The following DAPK1 variants were observed in gnomAD, a reference collection of about 807,000 sequenced individuals.
DAPK1 encodes the protein death-associated protein kinase 1.
A neutral mutation model predicts 144.9 loss-of-function variants in DAPK1; 56 were observed. The ratio of observed to expected loss-of-function variants is 0.39; its 90% CI spans 0.31 to 0.48. The LOEUF (loss-of-function observed/expected upper bound fraction) is 0.48. Among genes scored for constraint, DAPK1 ranks in the 20% least tolerant of loss-of-function variants. The pLI, the probability that DAPK1 is intolerant of heterozygous loss-of-function variation, is 0.95. For synonymous variants in DAPK1, 690 were observed against 749.0 expected (o/e 0.92, Z 1.29); for missense variants, 1,454 against 1,875.4 (o/e 0.78, Z 4.15).
chr9:87,521,590 G>C (rs911296948), intron 2 of DAPK1, among the ~76,000 whole-genome samples: 4 of 152,226 alleles, frequency 2.6e-5, no homozygotes, highest in Non-Finnish European at 5.9e-5. Flanking sequence ...CCTTCCGCTA[G>C]GATGTCAGCA....
chr9:87,591,998 C>T (rs1231361734), intron 2 of DAPK1, among the ~76,000 whole-genome samples: 2 of 152,162 alleles, frequency 1.3e-5, no homozygotes, highest in African/African-American at 2.4e-5. Flanking sequence ...CCTGGTAGAC[C>T]GTCCTCCGCT....
At position 87,499,007 on chromosome 9, in the gene DAPK1, A is replaced by AG. The variant is rs1314202628; in HGVS notation, c.-69dup. ...ATGCATGAGGGGGCTACGGAGGCGC[A>AG]GGAGCGGTGGTGATGGTCTGGGAAG... is the stretch of plus-strand genomic sequence containing the variant. On this transcript the variant is annotated 5_prime_UTR_variant, in exon 2 of 26. The change abolishes the stop of an existing upstream ORF in the 5' untranslated region. Transcript: ENST00000408954. The AG allele has an allele frequency of 3.2e-6, 4 of 1,269,466 alleles. No homozygotes were observed. Among genetic ancestry groups the AG allele is most frequent in the Non-Finnish European group, 4.6e-6 (4 of 868,174 alleles). The allele number at this position is 1,269,466 out of a possible 1,614,324, so 78.6% of individuals were successfully genotyped here.
chr9:87,587,132 A>G (rs959253109), intron 2 of DAPK1, among the ~76,000 whole-genome samples: 1 of 152,230 alleles, frequency 6.6e-6, no homozygotes, highest in Non-Finnish European at 1.5e-5. Context: ...CTAGTTCATC[A>G]AAGTTGGGCA....
rs912804598 is a variant in DAPK1, at chr9:87,706,477, C to T, written c.3406C>T (p.His1136Tyr). The change falls in exon 26 of 26, where the codon CAC (histidine) becomes TAC (tyrosine). Residue 1136 changes from histidine (H) to tyrosine (Y), a missense_variant. His to Tyr is a moderately conservative substitution (Grantham distance 83). Transcript: ENST00000408954. The surrounding 1 kb of genome is among the most constrained non-coding windows in gnomAD (Gnocchi z 9.0). ...YGGVRIVPVE[H>Y]LTPFPCGIFH... ...TGGCGTGCGCATCGTGCCCGTGGAA[C>T]ACCTCACCCCCTTCCCATGTGGCAT... is the stretch of plus-strand genomic sequence containing the variant. 5 of 1,613,624 alleles carry T rather than the reference C, an allele frequency of 3.1e-6. No individual in the cohort carries two copies. Among genetic ancestry groups the T allele is most frequent in the Non-Finnish European group, 4.2e-6 (5 of 1,179,668 alleles).
At chr9:87,578,812 A>G (rs1460697976) in intron 2 of DAPK1, among the ~76,000 whole-genome samples, 2 of 152,196 alleles carry the variant, frequency 1.3e-5, no homozygotes, top group African/African-American at 4.8e-5. Flanking sequence ...TTTCAGAGTC[A>G]TGTTTATCTT....
Position 87,651,706 on chromosome 9 carries a change from T to C in DAPK1, c.1806T>C (p.Asn602=), listed in dbSNP as rs778674541. ...TGGCCCTCTGTGAAGCAAACTGCAA[T>C]TTGGACATCTCCAACAAGGTATGCA... ...IVVALCEANC[N]LDISNKYGRT... Residue 602 remains asparagine, a synonymous_variant, in exon 17 of 26, where the codon AAT becomes AAC. Coordinates refer to ENST00000408954, the MANE Select transcript of DAPK1 (RefSeq NM_004938.4). The C allele has an allele frequency of 6.2e-7, 1 of 1,614,144 alleles. No homozygotes were observed. The highest frequency in any genetic ancestry group is 1.3e-5 in the African/African-American group (1 of 75,044).
chr9:87,673,337 G>A (rs1335934729), intron 19 of DAPK1, among the ~76,000 whole-genome samples: 1 of 152,178 alleles, frequency 6.6e-6, no homozygotes, highest in Non-Finnish European at 1.5e-5. Context: ...GTTTCCAAAT[G>A]GGCCAATTGA....
Position 87,647,331 on chromosome 9 carries a change from T to C in DAPK1, c.1257T>C (p.Ala419=), listed in dbSNP as rs1463521293. 1 of 1,614,198 alleles carries C rather than the reference T, an allele frequency of 6.2e-7. No homozygotes were observed. The highest frequency in any genetic ancestry group is 1.7e-5 in the Admixed American group (1 of 60,028). The change falls in exon 14 of 26, where the codon GCT becomes GCC. Residue 419 remains alanine (A), a synonymous_variant. Coordinates refer to ENST00000408954, the MANE Select transcript of DAPK1 (RefSeq NM_004938.4). ...DKGGSNAVYW[A]ARHGHVDTLK... is the part of the protein sequence containing the mutation. ...GCGGGTCCAATGCCGTCTACTGGGCTGCTCGGCATGGCCACGTCGATACCT... is the reference window on the plus strand; with the variant it reads ...GCGGGTCCAATGCCGTCTACTGGGCCGCTCGGCATGGCCACGTCGATACCT...
chr9:87,682,923 T>C (rs1027586423), intron 20 of DAPK1, among the ~76,000 whole-genome samples: 3 of 152,172 alleles, frequency 2.0e-5, no homozygotes, highest in Non-Finnish European at 4.4e-5. Flanking sequence ...GGCACACCTT[T>C]CCATTTTCCA....
intron 2 of DAPK1, among the ~76,000 whole-genome samples, chr9:87,513,337 G>A (rs925446061): frequency 2.0e-5 from 3 of 152,216 alleles, no homozygotes; most frequent in Admixed American, 6.5e-5. Context: ...GCCTAAATAG[G>A]AAGTGAGATG....
intron 5 of DAPK1, 40 bp from the exon 6 acceptor site, chr9:87,639,610 T>A: frequency 6.2e-7 from 1 of 1,613,540 alleles, no homozygotes; most frequent in Non-Finnish European, 8.5e-7. Context: ...TCGGTTAGTT[T>A]GCTTCCTCCC....
At chr9:87,591,292 G>C (rs1304807665) in intron 2 of DAPK1, among the ~76,000 whole-genome samples, 1 of 152,202 alleles carries the variant, frequency 6.6e-6, no homozygotes, top group African/African-American at 2.4e-5. Context: ...GCCAGTTGGG[G>C]CTTAGTAAAA....
At chr9:87,625,303 G>A (rs1829454747) in intron 3 of DAPK1, among the ~76,000 whole-genome samples, 2 of 152,226 alleles carry the variant, frequency 1.3e-5, no homozygotes, top group African/African-American at 4.8e-5. Context: ...GGCAGATGCT[G>A]TGCCTTGGAC....
chr9:87,601,494 C>G (rs927890509), intron 2 of DAPK1, among the ~76,000 whole-genome samples: 3 of 150,650 alleles, frequency 2.0e-5, no homozygotes, highest in Non-Finnish European at 2.9e-5. Flanking sequence ...TAGCACAGGA[C>G]AGCCCTGTCA....
intron 2 of DAPK1, among the ~76,000 whole-genome samples, chr9:87,537,310 G>C (rs1212860410): frequency 6.6e-6 from 1 of 152,108 alleles, no homozygotes; most frequent in Non-Finnish European, 1.5e-5. Flanking sequence ...ATGTGTTTTG[G>C]AGGCCCTCTG....
chr9:87,647,470 G>C, intron 14 of DAPK1, 67 bp downstream of exon 14: 1 of 1,343,616 alleles, frequency 7.4e-7, no homozygotes, highest in South Asian at 1.2e-5. Context: ...TGTGAGTGCT[G>C]GCCTACCGTG....
At chr9:87,538,113 A>G (rs902001405) in intron 2 of DAPK1, among the ~76,000 whole-genome samples, 5 of 152,218 alleles carry the variant, frequency 3.3e-5, no homozygotes, top group African/African-American at 9.7e-5. Context: ...AAATGAATTC[A>G]CCAAGACAAT....
chr9:87,685,605 G>A (rs1824814317), intron 20 of DAPK1, among the ~76,000 whole-genome samples: 1 of 152,166 alleles, frequency 6.6e-6, no homozygotes, highest in East Asian at 1.9e-4. Flanking sequence ...GGAGAGACGG[G>A]GAGCAGGGCA....
At chr9:87,579,275 A>G (rs1175980813) in intron 2 of DAPK1, among the ~76,000 whole-genome samples, 4 of 152,184 alleles carry the variant, frequency 2.6e-5, no homozygotes, top group African/African-American at 9.7e-5. Context: ...GACCTCCTTG[A>G]TAAATGATGT....
Sources: allele counts gnomAD v4.1 joint callset (sites outside exome capture counted in the v4.1 genomes callset), GRCh38; gene constraint gnomAD v4.1.1; non-coding constraint Gnocchi (gnomAD v3.1); transcripts MANE v1.5; gene names NCBI Gene and HGNC (gene_info 2026-07-23, HGNC 2026-07-21).